The following RBFOX1 variants were observed in gnomAD, a reference collection of about 807,000 sequenced individuals.
RBFOX1 encodes RNA binding fox-1 homolog 1.
RBFOX1 carries 8 observed loss-of-function variants against 57.7 expected under a neutral mutation model. That is an observed-to-expected ratio of 0.14 (90% CI 0.08 to 0.25). RBFOX1 has a LOEUF of 0.25. Among genes scored for constraint, RBFOX1 ranks in the 10% least tolerant of loss-of-function variants. The probability of loss-of-function intolerance (pLI) is 1.00; values close to 1 mark genes in which losing one functional copy is unlikely to be tolerated. For synonymous variants in RBFOX1, 326 were observed against 222.4 expected, an observed-to-expected ratio of 1.47 and a Z score of -4.15; for missense variants, 611 against 548.5, an observed-to-expected ratio of 1.11 and a Z score of -1.14.
intron 4 of RBFOX1, among the ~76,000 whole-genome samples, chr16:7,153,497 G>A (rs949787160): frequency 6.6e-6 from 1 of 151,944 alleles, no homozygotes; most frequent in Non-Finnish European, 1.5e-5. Flanking sequence ...AGCACTTTGG[G>A]AGGCTGCGGC....
chr16:6,994,396 A>G (rs1019847007), intron 3 of RBFOX1, among the ~76,000 whole-genome samples: 1 of 152,208 alleles, frequency 6.6e-6, no homozygotes, highest in Non-Finnish European at 1.5e-5. Context: ...AAACATGAAT[A>G]GTGCATGGGC....
intron 4 of RBFOX1, among the ~76,000 whole-genome samples, chr16:7,142,821 A>G (rs1179008939): frequency 1.3e-5 from 2 of 152,166 alleles, no homozygotes; most frequent in Non-Finnish European, 2.9e-5. Context: ...TGAATGAATG[A>G]AAGATAGAAA....
chr16:6,396,799 A>T (rs1399459786), intron 2 of RBFOX1, among the ~76,000 whole-genome samples: 1 of 152,234 alleles, frequency 6.6e-6, no homozygotes, highest in East Asian at 1.9e-4. Context: ...CCTGACATAA[A>T]AAAAATGTTG....
chr16:6,977,102 CATAT>C (rs376681811), intron 3 of RBFOX1, among the ~76,000 whole-genome samples: 1 of 137,322 alleles, frequency 7.3e-6, no homozygotes, highest in African/African-American at 2.7e-5. Flanking sequence ...ATATATATAT[CATAT>C]ATATGATCTA....
chr16:6,579,682 C>G (rs1038952922), intron 2 of RBFOX1, among the ~76,000 whole-genome samples: 1 of 152,154 alleles, frequency 6.6e-6, no homozygotes. Flanking sequence ...ATACCTCTTT[C>G]CTTTATAAAC....
At chr16:7,709,942 A>C in intron 15 of RBFOX1, 1 of 1,022,848 alleles carries the variant, frequency 9.8e-7, no homozygotes, top group Non-Finnish European at 1.2e-6. Flanking sequence ...TACCCTAAAA[A>C]TGAATCCCCA....
Position 6,871,919 on chromosome 16 carries a change from G to C in RBFOX1, c.-15-180138G>C, listed in dbSNP as rs1052972193. 2.7e-4 allele frequency among the ~76,000 whole-genome samples: 27 copies of C among 99,750 alleles called. No homozygotes were observed. In the East Asian group the frequency reaches 5.3e-3, roughly 20 times the overall value. 65.4% of individuals were successfully genotyped at this position (99,750 alleles called of 152,430 possible). A position where few individuals can be genotyped will look rare whatever the true frequency, so the allele number is the denominator to read the frequency against. ...TGAGAGAGGGAGAGAGTCTGTGTGT[G>C]TGTGTGTGTGTGTGTGTGTGTGTGT... On this transcript the variant is annotated intron_variant, in intron 3 of 15. Coordinates refer to ENST00000550418, the MANE Select transcript of RBFOX1 (RefSeq NM_018723.4).
chr16:6,949,958 G>GTTTT (rs1389718757), intron 3 of RBFOX1, among the ~76,000 whole-genome samples: 3 of 149,792 alleles, frequency 2.0e-5, no homozygotes, highest in Admixed American at 1.3e-4. Flanking sequence ...TGTTGTTGTT[G>GTTTT]TTTTTTGGTA....
At chr16:5,701,285 G>T (rs2051038433) in intron 3 of RBFOX1, among the ~76,000 whole-genome samples, 1 of 152,202 alleles carries the variant, frequency 6.6e-6, no homozygotes, top group African/African-American at 2.4e-5. Flanking sequence ...AGGTTATGAA[G>T]ACCTTGAATT....
chr16:6,544,478 G>A (rs771007830), intron 2 of RBFOX1, among the ~76,000 whole-genome samples: 2 of 152,126 alleles, frequency 1.3e-5, no homozygotes, highest in South Asian at 2.1e-4. Context: ...TTCCTGTTTT[G>A]TAGGATCTCA....
chr16:6,867,100 C>T (rs937192553), intron 3 of RBFOX1, among the ~76,000 whole-genome samples: 2 of 151,826 alleles, frequency 1.3e-5, no homozygotes, highest in African/African-American at 4.8e-5. Context: ...AAGAACACTT[C>T]CAGTGGGAAT....
At chr16:7,522,500 A>C (rs944835439) in intron 5 of RBFOX1, among the ~76,000 whole-genome samples, 4 of 152,190 alleles carry the variant, frequency 2.6e-5, no homozygotes, top group Non-Finnish European at 4.4e-5. Flanking sequence ...TAGTGGAGAG[A>C]GATGCAGAAG....
At chr16:6,685,342 C>A (rs1024881674) in intron 3 of RBFOX1, among the ~76,000 whole-genome samples, 5 of 133,848 alleles carry the variant, frequency 3.7e-5, no homozygotes, top group African/African-American at 1.4e-4. Flanking sequence ...GTGGCTGGAT[C>A]TCGGCTCACT....
intron 1 of RBFOX1, among the ~76,000 whole-genome samples, chr16:5,447,547 G>A (rs1168521845): frequency 1.3e-5 from 2 of 152,092 alleles, no homozygotes; most frequent in Non-Finnish European, 2.9e-5. Flanking sequence ...ACAGGCACCC[G>A]CCACCACGCC....
chr16:7,043,400 G>T (rs1486998387), intron 3 of RBFOX1, among the ~76,000 whole-genome samples: 1 of 152,144 alleles, frequency 6.6e-6, no homozygotes, highest in East Asian at 1.9e-4. Context: ...GCGCTAGGCA[G>T]TTAGTACCCT....
chr16:7,236,483 G>A (rs2093773290), intron 4 of RBFOX1, among the ~76,000 whole-genome samples: 1 of 152,004 alleles, frequency 6.6e-6, no homozygotes, highest in African/African-American at 2.4e-5. Context: ...CTGCTCCATG[G>A]TTCCTAAATG....
chr16:5,342,885 G>T (rs1033409008), intron 1 of RBFOX1, among the ~76,000 whole-genome samples: 1 of 151,838 alleles, frequency 6.6e-6, no homozygotes, highest in South Asian at 2.1e-4. Context: ...CATGCAGTTT[G>T]TGGGGTATAG....
chr16:5,854,174 T>C (rs952149347), intron 3 of RBFOX1, among the ~76,000 whole-genome samples: 5 of 152,204 alleles, frequency 3.3e-5, no homozygotes, highest in Non-Finnish European at 7.3e-5. Flanking sequence ...TAGTTATGAT[T>C]TGAGTGTGCC....
Position 5,802,532 on chromosome 16 carries a change from A to G in RBFOX1, c.319-64771A>G, listed in dbSNP as rs554034898. ...CTGCCATCACAGACTCTCAGAGGGA[A>G]TGCTCAGAGGTGGAACTGCTTGTTA... On this transcript the variant is annotated intron_variant, in intron 3 of 19. Coordinates refer to the RBFOX1 transcript ENST00000641259. 7.5e-4 allele frequency among the ~76,000 whole-genome samples: 114 copies of G among 152,320 alleles called. 2 individuals carry two copies. Among genetic ancestry groups the G allele is most frequent in the African/African-American group, 2.5e-3 (104 of 41,580 alleles).
Sources: gnomAD v4.1 joint callset for allele counts (sites outside exome capture counted in the v4.1 genomes callset) on GRCh38, gnomAD v4.1.1 for gene constraint, MANE v1.5 for transcripts, NCBI Gene and HGNC (gene_info 2026-07-23, HGNC 2026-07-21) for gene names.